The following CPNE8 variants were observed in gnomAD, a reference collection of about 807,000 sequenced individuals.
CPNE8 encodes the protein copine 8.
Under a neutral mutation model 81.5 loss-of-function variants are expected in CPNE8, and 45 were observed. The ratio of observed to expected loss-of-function variants is 0.55; its 90% CI spans 0.44 to 0.71. The LOEUF (loss-of-function observed/expected upper bound fraction) is 0.71. Ranked by LOEUF, CPNE8 falls within the 30% of genes least tolerant of loss-of-function variation. The probability of loss-of-function intolerance (pLI) is 0.00; values close to 1 mark genes in which losing one functional copy is unlikely to be tolerated. For missense variants in CPNE8, 594 were observed against 672.1 expected (o/e 0.88, Z 1.28); for synonymous variants, 252 against 226.3 (o/e 1.11, Z -1.02).
At chr12:38,823,996 CA>C (rs1203715436) in intron 6 of CPNE8, among the ~76,000 whole-genome samples, 2 of 152,086 alleles carry the variant, frequency 1.3e-5, no homozygotes, top group Non-Finnish European at 1.5e-5. Flanking sequence ...TTAAGTAGCA[CA>C]AGACTCATTT....
At chr12:38,669,338 A>T in intron 19 of CPNE8, among the ~76,000 whole-genome samples, 1 of 152,160 alleles carries the variant, frequency 6.6e-6, no homozygotes, top group East Asian at 1.9e-4. Context: ...TCATACTAAC[A>T]GATTACTTTA....
At chr12:38,888,388 T>C (rs998621160) in intron 1 of CPNE8, among the ~76,000 whole-genome samples, 3 of 152,218 alleles carry the variant, frequency 2.0e-5, no homozygotes, top group African/African-American at 7.2e-5. Context: ...AATAACATGC[T>C]TGTAAAGGTA....
chr12:38,813,781 T>C (rs1300658735), intron 6 of CPNE8, among the ~76,000 whole-genome samples: 7 of 152,270 alleles, frequency 4.6e-5, no homozygotes, highest in Admixed American at 2.0e-4. Context: ...TCCAGGTCAT[T>C]CTTAGGCCTG....
chr12:38,710,110 T>G (rs1191651970), intron 13 of CPNE8, among the ~76,000 whole-genome samples: 1 of 151,932 alleles, frequency 6.6e-6, no homozygotes, highest in Non-Finnish European at 1.5e-5. Context: ...TCTATATTTT[T>G]TTCACACAAT....
At chr12:38,807,087 T>C (rs955372864) in intron 6 of CPNE8, among the ~76,000 whole-genome samples, 71 of 151,996 alleles carry the variant, frequency 4.7e-4, no homozygotes, top group Non-Finnish European at 7.4e-4. Flanking sequence ...AACCACTGCT[T>C]AAGGAAATAA....
rs181748626 is a variant in CPNE8 at position 38,810,949 on chromosome 12, G to A, written c.407+18430C>T. On this transcript the variant is annotated intron_variant, in intron 6 of 19. Coordinates refer to ENST00000331366, the MANE Select transcript of CPNE8 (RefSeq NM_153634.3). ...ACTTCCCCACCTACTGCATCTCTCC[G>A]ACTTCCTAGTCTGCCTTTCTCTTCT... Among the ~76,000 whole-genome samples, 9 of 152,066 alleles carry A rather than the reference G, an allele frequency of 5.9e-5. No homozygotes were observed. In the East Asian group the frequency reaches 1.7e-3, roughly 29 times the overall value.
At chr12:38,662,854 AT>A in intron 19 of CPNE8, among the ~76,000 whole-genome samples, 1 of 152,272 alleles carries the variant, frequency 6.6e-6, no homozygotes, top group Non-Finnish European at 1.5e-5. Flanking sequence ...CAGCCAACTG[AT>A]TTTTGACAAA....
intron 16 of CPNE8, among the ~76,000 whole-genome samples, chr12:38,683,917 T>C (rs1939469554): frequency 6.6e-6 from 1 of 152,116 alleles, no homozygotes; most frequent in Admixed American, 6.6e-5. Flanking sequence ...CCTTTGATTT[T>C]AAATGTATAT....
At chr12:38,788,848 T>G (rs754621303) in intron 6 of CPNE8, among the ~76,000 whole-genome samples, 4 of 151,622 alleles carry the variant, frequency 2.6e-5, no homozygotes, top group African/African-American at 9.7e-5. Context: ...GAAGTAACCC[T>G]ATTTACAGTA....
intron 19 of CPNE8, among the ~76,000 whole-genome samples, chr12:38,657,381 G>A (rs951682993): frequency 7.9e-5 from 12 of 152,176 alleles, no homozygotes; most frequent in African/African-American, 2.7e-4. Context: ...AAGGAAGCTC[G>A]AACTGGGTGG....
At chr12:38,883,899 A>G (rs2137126879) in intron 1 of CPNE8, among the ~76,000 whole-genome samples, 1 of 152,302 alleles carries the variant, frequency 6.6e-6, no homozygotes. Flanking sequence ...AGAATTCTCT[A>G]AACATTTATA....
At position 38,897,126 on chromosome 12, in the gene CPNE8, G is replaced by C. The variant is rs1944399242; in HGVS notation, c.98+8311C>G. ...ATAAAAATGAGATTTAAAGACATCT[G>C]TCTGATTTCTAATTCCATTTTCTTG... is the stretch of plus-strand genomic sequence containing the variant. On this transcript the variant is annotated intron_variant, in intron 1 of 19. Transcript: ENST00000331366. 4.6e-5 allele frequency among the ~76,000 whole-genome samples: 7 copies of C among 152,060 alleles called. No homozygotes were observed. In the South Asian group the frequency reaches 1.4e-3, roughly 31 times the overall value.
intron 11 of CPNE8, among the ~76,000 whole-genome samples, chr12:38,729,367 A>G (rs1026847134): frequency 4.6e-5 from 7 of 152,174 alleles, no homozygotes; most frequent in Admixed American, 3.9e-4. Context: ...AATTTCATAG[A>G]GCACTAAGTA....
intron 13 of CPNE8, among the ~76,000 whole-genome samples, chr12:38,709,188 G>A (rs897179625): frequency 2.6e-4 from 40 of 152,178 alleles, no homozygotes; most frequent in African/African-American, 8.9e-4. Flanking sequence ...AAGCCCTGGT[G>A]CACTTGCCTC....
chr12:38,868,044 T>G (rs1017058936), intron 3 of CPNE8, among the ~76,000 whole-genome samples: 1 of 152,158 alleles, frequency 6.6e-6, no homozygotes, highest in African/African-American at 2.4e-5. Context: ...TTCCCCTTAT[T>G]ATCTAAAAGT....
chr12:38,843,705 A>G (rs559515630), intron 4 of CPNE8, among the ~76,000 whole-genome samples: 2 of 152,278 alleles, frequency 1.3e-5, no homozygotes, highest in South Asian at 4.1e-4. Flanking sequence ...CATAAGGACA[A>G]GACAAGCAAA....
intron 13 of CPNE8, among the ~76,000 whole-genome samples, chr12:38,711,898 C>A (rs1274179836): frequency 2.6e-5 from 4 of 152,004 alleles, no homozygotes; most frequent in Non-Finnish European, 4.4e-5. Context: ...TGATAATGTT[C>A]CATGTGAAAA....
chr12:38,878,050 G>A (rs2137115833), intron 1 of CPNE8, among the ~76,000 whole-genome samples: 1 of 152,300 alleles, frequency 6.6e-6, no homozygotes, highest in South Asian at 2.1e-4. Context: ...CCCGGGCCAT[G>A]ACAGTTTACA....
At position 38,715,210 on chromosome 12, in the gene CPNE8, CTCTT is replaced by C. The variant is rs1940357120; in HGVS notation, c.914+8558_914+8561del. 6.6e-5 allele frequency among the ~76,000 whole-genome samples: 10 copies of C among 152,222 alleles called. No individual in the cohort carries two copies. In the South Asian group the frequency reaches 1.9e-3, roughly 28 times the overall value. On this transcript the variant is annotated intron_variant, in intron 13 of 19. Coordinates refer to ENST00000331366, the MANE Select transcript of CPNE8 (RefSeq NM_153634.3). Reference sequence around the variant, plus strand: ...GTTCACAACAGTTGCCTGTTTCACACTCTTTCTCTATCCCTGTGCTCCCTTGCAT... The same window carrying C: ...GTTCACAACAGTTGCCTGTTTCACACTCTCTATCCCTGTGCTCCCTTGCAT...
Sources: gnomAD v4.1 joint callset for allele counts (sites outside exome capture counted in the v4.1 genomes callset) on GRCh38, gnomAD v4.1.1 for gene constraint, MANE v1.5 for transcripts, NCBI Gene and HGNC (gene_info 2026-07-23, HGNC 2026-07-21) for gene names.